Variants in RIMS2 observed in about 807,000 individuals in gnomAD.
RIMS2 encodes the protein regulating synaptic membrane exocytosis 2.
In RIMS2, 59 loss-of-function variants were observed where a neutral mutation model predicts 174.4. The observed-to-expected ratio is 0.34, with a 90% CI of 0.27 to 0.42. The LOEUF is 0.42. RIMS2 is among the 10% of genes least tolerant of loss of function. RIMS2 has a pLI of 1.00. For synonymous variants in RIMS2, 606 were observed against 572.5 expected (o/e 1.06, Z -0.84); for missense variants, 1,620 against 1,666.3 (o/e 0.97, Z 0.48).
At chr8:104,226,610 T>C (rs1447269040) in intron 19 of RIMS2, among the ~76,000 whole-genome samples, 2 of 152,190 alleles carry the variant, frequency 1.3e-5, no homozygotes, top group African/African-American at 4.8e-5. Context: ...TACATAATTA[T>C]AACTGTGACA....
At chr8:103,764,349 T>G (rs1564551402) in intron 2 of RIMS2, among the ~76,000 whole-genome samples, 1 of 152,230 alleles carries the variant, frequency 6.6e-6, no homozygotes, top group East Asian at 1.9e-4. Context: ...TAGAATAGAT[T>G]ATCACTGAAG....
intron 19 of RIMS2, among the ~76,000 whole-genome samples, chr8:104,075,208 T>G (rs1445370111): frequency 6.6e-6 from 1 of 152,024 alleles, no homozygotes; most frequent in Admixed American, 6.6e-5. Flanking sequence ...AACCTAGTAT[T>G]CATGTAAAAC....
At chr8:104,085,605 T>C (rs1195841920) in intron 19 of RIMS2, among the ~76,000 whole-genome samples, 2 of 152,310 alleles carry the variant, frequency 1.3e-5, no homozygotes, top group Admixed American at 1.3e-4. Context: ...AGGTATTAAA[T>C]ACTCTGGTTA....
chr8:104,029,335 T>G (rs182792855), intron 19 of RIMS2, among the ~76,000 whole-genome samples: 1 of 152,292 alleles, frequency 6.6e-6, no homozygotes, highest in Non-Finnish European at 1.5e-5. Context: ...ATCTCAGCCT[T>G]ATTTTACCCA....
At chr8:103,826,481 C>T (rs180932592) in intron 3 of RIMS2, among the ~76,000 whole-genome samples, 39 of 151,828 alleles carry the variant, frequency 2.6e-4, no homozygotes, top group Non-Finnish European at 5.2e-4. Flanking sequence ...GCTGAAAAGG[C>T]TTAAAGGTTT....
intron 1 of RIMS2, among the ~76,000 whole-genome samples, chr8:103,587,437 AAAGAAAGAAAGAAAG>A (rs2094000013): frequency 1.6e-5 from 2 of 123,326 alleles, no homozygotes; most frequent in Admixed American, 7.7e-5. Context: ...AGAAAGAAAG[AAAGAAAGAAAGAAAG>A]AAAGAAAGAA....
chr8:103,676,346 G>A (rs1286044253), intron 1 of RIMS2, among the ~76,000 whole-genome samples: 4 of 152,170 alleles, frequency 2.6e-5, no homozygotes, highest in Non-Finnish European at 5.9e-5. Context: ...ACTGAGCTCA[G>A]GGTAGAGCCC....
chr8:103,881,115 G>C (rs1001235316), intron 3 of RIMS2, among the ~76,000 whole-genome samples: 2 of 151,166 alleles, frequency 1.3e-5, no homozygotes, highest in Non-Finnish European at 3.0e-5. Context: ...TATGAGTCAG[G>C]AATTTTCATA....
rs552952109 is a variant in RIMS2, at chr8:104,196,566, T to A, written c.3335-48350T>A. 4.6e-5 allele frequency among the ~76,000 whole-genome samples: 7 copies of A among 152,242 alleles called. No individual in the cohort carries two copies. The East Asian group carries it at 1.4e-3, about 29-fold the overall frequency. ...AGTAATTATGAACTGTTATATAACATCATTCTATATATTAACACCATTTTA... is the reference window on the plus strand; with the variant it reads ...AGTAATTATGAACTGTTATATAACAACATTCTATATATTAACACCATTTTA... On this transcript the variant is annotated intron_variant, in intron 19 of 23. Coordinates refer to ENST00000504942, the Ensembl canonical transcript of RIMS2.
intron 4 of RIMS2, among the ~76,000 whole-genome samples, chr8:103,894,546 A>G (rs995567930): frequency 2.0e-5 from 3 of 151,570 alleles, no homozygotes; most frequent in African/African-American, 7.3e-5. Context: ...ATCAATCGAT[A>G]TCAGTGTTTG....
At chr8:104,118,609 T>C (rs1380887586) in intron 19 of RIMS2, among the ~76,000 whole-genome samples, 1 of 152,058 alleles carries the variant, frequency 6.6e-6, no homozygotes, top group Non-Finnish European at 1.5e-5. Context: ...CCTCAGGTGA[T>C]CTGCCTGCCT....
At chr8:103,863,594 GT>G (rs149904696) in intron 3 of RIMS2, among the ~76,000 whole-genome samples, 8 of 148,258 alleles carry the variant, frequency 5.4e-5, no homozygotes, top group East Asian at 2.0e-4. Context: ...ATTGTTGGAA[GT>G]TTTTTTTTTG....
chr8:103,783,431 C>G (rs894539636), intron 3 of RIMS2, among the ~76,000 whole-genome samples: 1 of 150,802 alleles, frequency 6.6e-6, no homozygotes, highest in Non-Finnish European at 1.5e-5. Context: ...TCACCCCACC[C>G]CACAACAGTC....
At chr8:103,598,526 C>T (rs747793629) in intron 1 of RIMS2, among the ~76,000 whole-genome samples, 4 of 152,032 alleles carry the variant, frequency 2.6e-5, no homozygotes, top group Non-Finnish European at 4.4e-5. Flanking sequence ...TATACTGTGG[C>T]AGGATTATAA....
intron 1 of RIMS2, among the ~76,000 whole-genome samples, chr8:103,508,823 A>C (rs1285465635): frequency 1.3e-5 from 2 of 152,148 alleles, no homozygotes; most frequent in Non-Finnish European, 2.9e-5. Context: ...GTGGAGAGTC[A>C]AGACAAATTT....
chr8:104,254,929 A>G (rs1481441647), downstream of RIMS2: 1 of 152,146 alleles, frequency 6.6e-6, no homozygotes, highest in Non-Finnish European at 1.5e-5. Flanking sequence ...ACCTGTCCGG[A>G]GACTAGCTTC....
chr8:103,511,458 C>T (rs571112663), intron 1 of RIMS2, among the ~76,000 whole-genome samples: 2 of 152,206 alleles, frequency 1.3e-5, no homozygotes, highest in Admixed American at 6.5e-5. Flanking sequence ...TTTCTTTTGG[C>T]ATGTTTGGTT....
chr8:103,840,278 A>G (rs2098931648), intron 3 of RIMS2, among the ~76,000 whole-genome samples: 1 of 152,186 alleles, frequency 6.6e-6, no homozygotes, highest in Admixed American at 6.5e-5. Context: ...TGTGGCTATC[A>G]TGATATTCAG....
intron 1 of RIMS2, among the ~76,000 whole-genome samples, chr8:103,549,209 G>A (rs977467577): frequency 1.3e-5 from 2 of 151,976 alleles, no homozygotes; most frequent in Non-Finnish European, 1.5e-5. Context: ...AATATTAAGG[G>A]CAGCCAGAGA....
Sources: allele counts gnomAD v4.1 joint callset (sites outside exome capture counted in the v4.1 genomes callset), GRCh38; gene constraint gnomAD v4.1.1; transcripts MANE v1.5; gene names NCBI Gene and HGNC (gene_info 2026-07-23, HGNC 2026-07-21).